The following LSAMP variants were observed in gnomAD, a reference collection of about 807,000 sequenced individuals.
The protein encoded by LSAMP is limbic system associated membrane protein, also known as limbic system-associated membrane protein.
A neutral mutation model predicts 38.6 loss-of-function variants in LSAMP; 7 were observed. The ratio of observed to expected loss-of-function variants is 0.18; its 90% CI spans 0.10 to 0.34. The LOEUF (loss-of-function observed/expected upper bound fraction) is 0.34. Among genes scored for constraint, LSAMP ranks in the 10% least tolerant of loss-of-function variants. LSAMP has a pLI of 1.00. For synonymous variants in LSAMP, 154 were observed against 166.8 expected (o/e 0.92, Z 0.59); for missense variants, 313 against 420.0 (o/e 0.75, Z 2.23).
intron 1 of LSAMP, among the ~76,000 whole-genome samples, chr3:116,378,717 T>A (rs936666752): frequency 1.3e-5 from 2 of 152,034 alleles, no homozygotes; most frequent in African/African-American, 4.8e-5. Flanking sequence ...CATAAATAGT[T>A]ATTGCTTACA....
At chr3:115,836,522 A>G (rs1255914773) in intron 6 of LSAMP, among the ~76,000 whole-genome samples, 1 of 152,200 alleles carries the variant, frequency 6.6e-6, no homozygotes, top group South Asian at 2.1e-4. Context: ...GGAGGAAAAC[A>G]CACTTAGCAG....
intron 3 of LSAMP, among the ~76,000 whole-genome samples, chr3:116,011,544 G>A (rs1940325080): frequency 6.7e-6 from 1 of 148,246 alleles, no homozygotes; most frequent in Non-Finnish European, 1.5e-5. Context: ...TATTCCAAAA[G>A]TGCTGGGAAA....
Position 115,841,904 on chromosome 3 carries a change from T to C in LSAMP, c.860A>G (p.Asn287Ser), listed in dbSNP as rs1392678616. 1.4e-5 allele frequency: 22 copies of C among 1,613,946 alleles called. No individual in the cohort carries two copies. Among genetic ancestry groups the C allele is most frequent in the Non-Finnish European group, 1.9e-5 (22 of 1,179,994 alleles). Residue 287 changes from asparagine (N) to serine (S), a missense_variant, in exon 6 of 7, where the codon AAC becomes AGC. By Grantham distance (46) the Asn-to-Ser change is conservative. Transcript: ENST00000490035. ...CTTGTTGGCAGCCACACAGGTGTAG[T>C]TGCCGTAGTGCTCCTCAGTGACGTT... Reference protein sequence around the residue: ...VTNVTEEHYGNYTCVAANKLG... With the variant: ...VTNVTEEHYGSYTCVAANKLG...
chr3:116,317,320 C>T (rs2047642276), intron 1 of LSAMP, among the ~76,000 whole-genome samples: 1 of 151,960 alleles, frequency 6.6e-6, no homozygotes, highest in African/African-American at 2.4e-5. Context: ...GAACAAACTC[C>T]GGACACAATA....
chr3:116,051,904 G>C (rs1941403596), intron 2 of LSAMP, among the ~76,000 whole-genome samples: 3 of 152,172 alleles, frequency 2.0e-5, no homozygotes, highest in South Asian at 4.1e-4. Flanking sequence ...TAGTGGAACA[G>C]CTGTCATACC....
chr3:116,204,145 T>G (rs1311407223), intron 1 of LSAMP, among the ~76,000 whole-genome samples: 1 of 152,158 alleles, frequency 6.6e-6, no homozygotes, highest in Admixed American at 6.5e-5. Flanking sequence ...ATTTCTCTGA[T>G]AGCCAGTGAT....
intron 1 of LSAMP, among the ~76,000 whole-genome samples, chr3:116,323,178 T>A (rs2047727685): frequency 6.6e-6 from 1 of 152,140 alleles, no homozygotes; most frequent in East Asian, 1.9e-4. Context: ...CAGGAATGTG[T>A]TAATATCTTT....
At chr3:116,017,677 T>C (rs1164419797) in intron 3 of LSAMP, among the ~76,000 whole-genome samples, 1 of 152,164 alleles carries the variant, frequency 6.6e-6, no homozygotes, top group African/African-American at 2.4e-5. Context: ...TACAATCACT[T>C]ATGAAAATTC....
At position 116,044,137 on chromosome 3, in the gene LSAMP, G is replaced by A. The variant is rs562460416; in HGVS notation, c.389-24497C>T. Among the ~76,000 whole-genome samples the A allele has an allele frequency of 1.1e-4, 16 of 152,214 alleles. No homozygotes were observed. The South Asian group carries it at 3.3e-3, about 32-fold the overall frequency. ...AGATGGACAGATAGAAGGTACTCAG[G>A]GAAAATGCTCAGGCTTGATTACCTG... On this transcript the variant is annotated intron_variant, in intron 2 of 6. Transcript: ENST00000490035.
chr3:115,827,373 C>T (rs1446734794), intron 6 of LSAMP, among the ~76,000 whole-genome samples: 1 of 149,380 alleles, frequency 6.7e-6, no homozygotes, highest in Non-Finnish European at 1.5e-5. Flanking sequence ...CTACTATTGC[C>T]TCCAAATGTC....
chr3:116,142,398 C>A (rs1709390577), intron 1 of LSAMP, among the ~76,000 whole-genome samples: 1 of 151,988 alleles, frequency 6.6e-6, no homozygotes, highest in South Asian at 2.1e-4. Context: ...CTGTAATCTG[C>A]TGTTTTTGTC....
At chr3:116,421,761 C>A (rs765019750) in intron 1 of LSAMP, among the ~76,000 whole-genome samples, 5 of 152,064 alleles carry the variant, frequency 3.3e-5, no homozygotes, top group Non-Finnish European at 7.4e-5. Context: ...AATGGCTATA[C>A]CCAAAAGAGA....
intron 3 of LSAMP, among the ~76,000 whole-genome samples, chr3:115,922,813 G>A (rs1937413303): frequency 6.6e-6 from 1 of 152,102 alleles, no homozygotes; most frequent in Non-Finnish European, 1.5e-5. Flanking sequence ...AGAGGAGAGA[G>A]GTATGCTGGT....
At chr3:115,996,084 A>G (rs1304384710) in intron 3 of LSAMP, among the ~76,000 whole-genome samples, 1 of 152,078 alleles carries the variant, frequency 6.6e-6, no homozygotes, top group African/African-American at 2.4e-5. Flanking sequence ...TATAATCCAC[A>G]AGGAATATGT....
chr3:116,388,296 G>A (rs1026960215), intron 1 of LSAMP, among the ~76,000 whole-genome samples: 2 of 152,124 alleles, frequency 1.3e-5, no homozygotes, highest in Non-Finnish European at 2.9e-5. Flanking sequence ...TCACCCAAAG[G>A]AAAAGGTGGA....
intron 1 of LSAMP, among the ~76,000 whole-genome samples, chr3:116,202,652 G>C (rs1055992398): frequency 6.6e-6 from 1 of 151,824 alleles, no homozygotes; most frequent in African/African-American, 2.4e-5. Context: ...TAGAACTTTG[G>C]GGCTCAAGTG....
intron 1 of LSAMP, among the ~76,000 whole-genome samples, chr3:116,331,160 G>C (rs985735919): frequency 3.3e-5 from 5 of 152,056 alleles, no homozygotes; most frequent in African/African-American, 1.2e-4. Context: ...GTTATAAAAG[G>C]AGAATCTCTG....
At chr3:116,376,416 C>G (rs964972471) in intron 1 of LSAMP, among the ~76,000 whole-genome samples, 1 of 152,094 alleles carries the variant, frequency 6.6e-6, no homozygotes, top group African/African-American at 2.4e-5. Flanking sequence ...CTTTCAAAAG[C>G]AGACAAAAAC....
intron 3 of LSAMP, among the ~76,000 whole-genome samples, chr3:116,000,928 T>C (rs1032737142): frequency 6.6e-6 from 1 of 152,220 alleles, no homozygotes. Context: ...GTTGTCATGG[T>C]GTTTCAAAGC....
Sources: allele counts gnomAD v4.1 joint callset (sites outside exome capture counted in the v4.1 genomes callset), GRCh38; gene constraint gnomAD v4.1.1; transcripts MANE v1.5; gene names NCBI Gene and HGNC (gene_info 2026-07-23, HGNC 2026-07-21).